The following SH3KBP1 variants were observed in gnomAD, a reference collection of about 807,000 sequenced individuals.
SH3KBP1 encodes SH3 domain-containing kinase-binding protein 1.
Under a neutral mutation model 50.1 loss-of-function variants are expected in SH3KBP1, and 8 were observed. The observed-to-expected ratio is 0.16, with a 90% CI of 0.09 to 0.29. The LOEUF is 0.29. Among genes scored for constraint, SH3KBP1 ranks in the 10% least tolerant of loss-of-function variants. The probability of loss-of-function intolerance (pLI) is 1.00; values close to 1 mark genes in which losing one functional copy is unlikely to be tolerated. For missense variants in SH3KBP1, 377 were observed against 535.2 expected (o/e 0.70, Z 2.92); for synonymous variants, 227 against 218.6 (o/e 1.04, Z -0.34).
intron 1 of SH3KBP1, among the ~76,000 whole-genome samples, chrX:19,881,967 C>T (rs1376151678): frequency 9.0e-6 from 1 of 111,012 alleles, no homozygotes; most frequent in Non-Finnish European, 1.9e-5. Flanking sequence ...TTCTAGAACA[C>T]AATCAAGGCA....
intron 6 of SH3KBP1, among the ~76,000 whole-genome samples, chrX:19,666,851 T>C (rs181693912): frequency 8.9e-6 from 1 of 112,020 alleles, no homozygotes; most frequent in African/African-American, 3.2e-5. Flanking sequence ...TCTGGAGATA[T>C]ATCTAAAAAA....
At chrX:19,603,157 G>A (rs1038887228) in intron 9 of SH3KBP1, among the ~76,000 whole-genome samples, 5 of 112,273 alleles carry the variant, frequency 4.5e-5, no homozygotes, top group Admixed American at 1.9e-4. Flanking sequence ...AGGCTTAGTT[G>A]ACTTCAACAC....
At chrX:19,669,597 A>G (rs1185166283) in intron 6 of SH3KBP1, among the ~76,000 whole-genome samples, 1 of 111,462 alleles carries the variant, frequency 9.0e-6, no homozygotes, top group Admixed American at 9.5e-5. Context: ...AAGATTCACC[A>G]TCTTTATTTT....
intron 8 of SH3KBP1, among the ~76,000 whole-genome samples, chrX:19,612,265 ATTTG>A (rs1315858037): frequency 9.0e-6 from 1 of 111,481 alleles, no homozygotes; most frequent in African/African-American, 3.3e-5. Flanking sequence ...AATTCTATTT[ATTTG>A]TTTGTTTATT....
intron 8 of SH3KBP1, among the ~76,000 whole-genome samples, chrX:19,626,680 G>A (rs749213737): frequency 2.7e-5 from 3 of 110,734 alleles, no homozygotes; most frequent in South Asian, 3.9e-4. Context: ...CAACCCTCCC[G>A]CCTCAGCCTC....
chrX:19,695,112 A>C, intron 5 of SH3KBP1: 1 of 1,007,892 alleles, frequency 9.9e-7, no homozygotes, highest in Non-Finnish European at 1.4e-6. Flanking sequence ...CATGCTCACC[A>C]CCCAAGGTGG....
chrX:19,701,147 G>A (rs774572822), intron 4 of SH3KBP1, among the ~76,000 whole-genome samples: 1 of 111,587 alleles, frequency 9.0e-6, no homozygotes, highest in African/African-American at 3.3e-5. Context: ...TTCAAAAACA[G>A]CCACAGGTCC....
chrX:19,829,694 C>T (rs1335297438), intron 2 of SH3KBP1, among the ~76,000 whole-genome samples: 25 of 99,023 alleles, frequency 2.5e-4, no homozygotes, highest in Non-Finnish European at 4.4e-4. Flanking sequence ...CGTAGTGAGC[C>T]GAGATCTCCC....
chrX:19,875,698 G>A (rs940645355), intron 1 of SH3KBP1, among the ~76,000 whole-genome samples: 2 of 112,860 alleles, frequency 1.8e-5, no homozygotes, highest in Non-Finnish European at 3.7e-5. Flanking sequence ...GGAGGAGACA[G>A]AAGCTCCGGT....
At chrX:19,665,839 C>T (rs2062584934) in intron 6 of SH3KBP1, among the ~76,000 whole-genome samples, 1 of 111,864 alleles carries the variant, frequency 8.9e-6, no homozygotes, top group South Asian at 3.7e-4. Context: ...CTCATTCCAT[C>T]CCACTGAAAG....
intron 13 of SH3KBP1, among the ~76,000 whole-genome samples, chrX:19,553,625 A>C (rs1392460927): frequency 9.3e-6 from 1 of 107,390 alleles, no homozygotes; most frequent in African/African-American, 3.4e-5. Flanking sequence ...AGGCTGAAGA[A>C]GCATTCTCTG....
At chrX:19,678,192 G>T (rs2062971302) in intron 6 of SH3KBP1, among the ~76,000 whole-genome samples, 1 of 111,660 alleles carries the variant, frequency 9.0e-6, no homozygotes, top group Admixed American at 9.6e-5. Context: ...TGCACAGAGA[G>T]ATCACAAATC....
chrX:19,820,528 C>T (rs745346811), intron 2 of SH3KBP1, among the ~76,000 whole-genome samples: 1 of 111,464 alleles, frequency 9.0e-6, no homozygotes, highest in Non-Finnish European at 1.9e-5. Flanking sequence ...GCCACTCCTG[C>T]TTTTTTAAAA....
chrX:19,578,370 GA>G (rs964126166), intron 12 of SH3KBP1, among the ~76,000 whole-genome samples: 1 of 111,606 alleles, frequency 9.0e-6, no homozygotes, highest in Non-Finnish European at 1.9e-5. Context: ...TCGGGTGCCT[GA>G]GGATACAAGG....
chrX:19,696,750 G>T (rs1284734624), intron 4 of SH3KBP1, among the ~76,000 whole-genome samples: 3 of 111,854 alleles, frequency 2.7e-5, no homozygotes, highest in African/African-American at 9.8e-5. Context: ...AGGGCAGTTT[G>T]AAAACAAGCA....
intron 8 of SH3KBP1, among the ~76,000 whole-genome samples, chrX:19,623,603 G>A (rs1334229680): frequency 8.9e-6 from 1 of 112,312 alleles, no homozygotes; most frequent in Non-Finnish European, 1.9e-5. Context: ...AGAATCACTT[G>A]AACCCGGCAG....
At chrX:19,818,504 CAG>C (rs1444694459) in intron 2 of SH3KBP1, among the ~76,000 whole-genome samples, 1 of 112,024 alleles carries the variant, frequency 8.9e-6, no homozygotes, top group East Asian at 2.8e-4. Context: ...TCCCCATTCT[CAG>C]GGGGAGAGTA....
At chrX:19,651,855 C>A (rs759513315) in intron 6 of SH3KBP1, among the ~76,000 whole-genome samples, 1 of 112,021 alleles carries the variant, frequency 8.9e-6, no homozygotes, top group Non-Finnish European at 1.9e-5. Flanking sequence ...GTCAGTCAGT[C>A]AATCAATCAA....
intron 2 of SH3KBP1, among the ~76,000 whole-genome samples, chrX:19,758,154 C>T (rs913006205): frequency 1.5e-4 from 16 of 108,727 alleles, no homozygotes; most frequent in Non-Finnish European, 2.7e-4. Flanking sequence ...GGTGAAACTC[C>T]GCCTCTACTA....
Sources: gnomAD v4.1 joint callset for allele counts (sites outside exome capture counted in the v4.1 genomes callset) on GRCh38, gnomAD v4.1.1 for gene constraint, MANE v1.5 for transcripts, NCBI Gene and HGNC (gene_info 2026-07-23, HGNC 2026-07-21) for gene names.